Variants in SMYD3 observed in about 807,000 individuals in gnomAD.
SMYD3 encodes the protein histone-lysine N-methyltransferase SMYD3.
Under a neutral mutation model 57.7 loss-of-function variants are expected in SMYD3, and 36 were observed. That is an observed-to-expected ratio of 0.62 (90% confidence interval 0.48 to 0.82). SMYD3 has a LOEUF of 0.82. Ranked by LOEUF, SMYD3 falls within the 40% of genes least tolerant of loss-of-function variation. SMYD3 has a pLI of 0.00. For synonymous variants in SMYD3, 211 were observed against 195.0 expected, an observed-to-expected ratio of 1.08 and a Z score of -0.68; for missense variants, 515 against 538.8, an observed-to-expected ratio of 0.96 and a Z score of 0.44.
At chr1:246,125,435 T>C (rs1572068532) in intron 5 of SMYD3, among the ~76,000 whole-genome samples, 1 of 152,166 alleles carries the variant, frequency 6.6e-6, no homozygotes, top group East Asian at 1.9e-4. Flanking sequence ...GTATGACAAG[T>C]TTCTATGACA....
intron 10 of SMYD3, among the ~76,000 whole-genome samples, chr1:245,848,277 CTG>C (rs3086296): frequency 6.7e-6 from 1 of 150,122 alleles, no homozygotes; most frequent in African/African-American, 2.4e-5. Flanking sequence ...TTATTTTTTT[CTG>C]TGTGTGTGTG....
chr1:245,962,271 C>T (rs572953385), intron 5 of SMYD3, among the ~76,000 whole-genome samples: 17 of 152,298 alleles, frequency 1.1e-4, no homozygotes, highest in African/African-American at 3.6e-4. Flanking sequence ...TGGGACTTGA[C>T]GCAAGTGGCT....
At chr1:245,997,066 T>C (rs1175503126) in intron 5 of SMYD3, among the ~76,000 whole-genome samples, 3 of 152,258 alleles carry the variant, frequency 2.0e-5, no homozygotes, top group Non-Finnish European at 4.4e-5. Flanking sequence ...CCTCGCAGTC[T>C]GCTCTGGCTC....
chr1:245,822,555 GAAA>G (rs11431887), intron 10 of SMYD3, among the ~76,000 whole-genome samples: 3 of 135,456 alleles, frequency 2.2e-5, no homozygotes, highest in African/African-American at 7.7e-5. Context: ...AATAATAAAA[GAAA>G]AAAAAAAAAA....
intron 5 of SMYD3, among the ~76,000 whole-genome samples, chr1:246,227,659 G>A (rs1227989387): frequency 6.6e-6 from 1 of 151,882 alleles, no homozygotes; most frequent in Non-Finnish European, 1.5e-5. Flanking sequence ...GAAGGAAGAA[G>A]AAGACAACTT....
intron 5 of SMYD3, among the ~76,000 whole-genome samples, chr1:246,324,392 G>A (rs542233637): frequency 7.0e-6 from 1 of 143,708 alleles, no homozygotes; most frequent in African/African-American, 2.6e-5. Context: ...CCTAGCCTGG[G>A]CGACAAGAGC....
At chr1:245,807,814 A>G (rs112141189) in intron 10 of SMYD3, among the ~76,000 whole-genome samples, 2,442 of 135,386 alleles carry the variant, frequency 0.018, 28 homozygotes, top group African/African-American at 0.039. Flanking sequence ...TTTCCCAGGG[A>G]AAAAAAAAAA....
intron 5 of SMYD3, among the ~76,000 whole-genome samples, chr1:246,038,132 A>C (rs1162732683): frequency 6.6e-6 from 1 of 152,244 alleles, no homozygotes; most frequent in Non-Finnish European, 1.5e-5. Flanking sequence ...TTTCTCTGAG[A>C]TATAAGCTGC....
At chr1:246,089,097 C>T (rs2060777410) in intron 5 of SMYD3, among the ~76,000 whole-genome samples, 1 of 152,136 alleles carries the variant, frequency 6.6e-6, no homozygotes, top group Non-Finnish European at 1.5e-5. Flanking sequence ...CCTACCTCAA[C>T]CTCCCAAGTA....
At chr1:246,462,622 C>T (rs2067819446) in intron 1 of SMYD3, among the ~76,000 whole-genome samples, 1 of 152,140 alleles carries the variant, frequency 6.6e-6, no homozygotes, top group African/African-American at 2.4e-5. Context: ...TCTGGTATAG[C>T]TGAAACAAAC....
At chr1:245,955,461 CT>C (rs1325035392) in intron 5 of SMYD3, among the ~76,000 whole-genome samples, 6 of 152,064 alleles carry the variant, frequency 3.9e-5, no homozygotes, top group African/African-American at 1.4e-4. Context: ...ATAGTTTCCT[CT>C]TTTAAAAATA....
At chr1:246,437,554 G>A (rs553020572) in intron 1 of SMYD3, among the ~76,000 whole-genome samples, 2 of 152,146 alleles carry the variant, frequency 1.3e-5, no homozygotes, top group Non-Finnish European at 2.9e-5. Context: ...TTGTCCAGAT[G>A]TTTCTGTGTT....
intron 5 of SMYD3, among the ~76,000 whole-genome samples, chr1:246,051,046 G>A (rs984788574): frequency 1.3e-5 from 2 of 151,826 alleles, no homozygotes; most frequent in African/African-American, 4.8e-5. Flanking sequence ...AAATTACGAA[G>A]AGGAAGACAT....
chr1:246,152,124 G>C (rs2061949885), intron 5 of SMYD3, among the ~76,000 whole-genome samples: 1 of 152,214 alleles, frequency 6.6e-6, no homozygotes, highest in South Asian at 2.1e-4. Flanking sequence ...GTTCAGCCCA[G>C]TGGCTGCTGG....
chr1:246,208,577 G>A (rs1007142160), intron 5 of SMYD3, among the ~76,000 whole-genome samples: 5 of 152,080 alleles, frequency 3.3e-5, no homozygotes, highest in Non-Finnish European at 7.3e-5. Context: ...ATGCAAACAC[G>A]CAGCTCCTAT....
intron 5 of SMYD3, among the ~76,000 whole-genome samples, chr1:245,971,255 C>T (rs1291401530): frequency 2.6e-5 from 4 of 152,106 alleles, no homozygotes; most frequent in East Asian, 1.9e-4. Flanking sequence ...AATGAGAACA[C>T]GTGGACACAG....
At chr1:246,083,182 C>G (rs2787955) in intron 5 of SMYD3, among the ~76,000 whole-genome samples, 29,048 of 151,266 alleles carry the variant, frequency 0.19, 3,149 homozygotes, top group East Asian at 0.4. Context: ...AGGCATCTGT[C>G]TCCTGCTCGT....
intron 1 of SMYD3, among the ~76,000 whole-genome samples, chr1:246,437,609 A>T (rs2067398850): frequency 6.6e-6 from 1 of 152,234 alleles, no homozygotes; most frequent in African/African-American, 2.4e-5. Flanking sequence ...TCTGTACACA[A>T]TTTTGTTTTT....
chr1:246,369,622 G>A (rs538841815), intron 1 of SMYD3, among the ~76,000 whole-genome samples: 15 of 152,174 alleles, frequency 9.9e-5, no homozygotes, highest in African/African-American at 3.4e-4. Context: ...TACCTCCCAG[G>A]CTCAGGTGAT....
Sources: gnomAD v4.1 joint callset for allele counts (sites outside exome capture counted in the v4.1 genomes callset) on GRCh38, gnomAD v4.1.1 for gene constraint, MANE v1.5 for transcripts, NCBI Gene and HGNC (gene_info 2026-07-23, HGNC 2026-07-21) for gene names.